Variants in PDE11A observed in about 807,000 individuals in gnomAD.
The protein encoded by PDE11A is phosphodiesterase 11A, also known as dual 3',5'-cyclic-AMP and -GMP phosphodiesterase 11A.
PDE11A carries 100 observed loss-of-function variants against 100.5 expected under a neutral mutation model. The observed-to-expected ratio is 1.00, with a 90% CI of 0.85 to 1.18. PDE11A has a LOEUF of 1.18. Ranked by LOEUF, PDE11A falls within the 50% of genes most tolerant of loss-of-function variation. The pLI, the probability that PDE11A is intolerant of heterozygous loss-of-function variation, is 0.00. For synonymous variants in PDE11A, 381 were observed against 420.8 expected, an observed-to-expected ratio of 0.91 and a Z score of 1.16; for missense variants, 1,141 against 1,152.6, an observed-to-expected ratio of 0.99 and a Z score of 0.15.
At chr2:177,781,180 G>C (rs1258329343) in intron 9 of PDE11A, among the ~76,000 whole-genome samples, 4 of 152,200 alleles carry the variant, frequency 2.6e-5, no homozygotes, top group Non-Finnish European at 5.9e-5. Flanking sequence ...TTGGAAAACA[G>C]AGAGGCCCAA....
At chr2:177,749,409 T>G (rs1329300044) in intron 10 of PDE11A, among the ~76,000 whole-genome samples, 3 of 152,194 alleles carry the variant, frequency 2.0e-5, no homozygotes, top group Non-Finnish European at 2.9e-5. Flanking sequence ...TTTTTATACT[T>G]TCTTTATATA....
chr2:177,890,563 G>A (rs1356730511), intron 4 of PDE11A, among the ~76,000 whole-genome samples: 1 of 152,170 alleles, frequency 6.6e-6, no homozygotes, highest in Non-Finnish European at 1.5e-5. Flanking sequence ...GTGATGACTT[G>A]TGGCATGGGG....
At chr2:177,752,704 C>T (rs1465284791) in intron 10 of PDE11A, among the ~76,000 whole-genome samples, 2 of 152,094 alleles carry the variant, frequency 1.3e-5, no homozygotes, top group Non-Finnish European at 2.9e-5. Context: ...TTATTGAGTG[C>T]CTACTATGTG....
Position 177,853,073 on chromosome 2 carries a change from T to C in PDE11A, c.1368-12690A>G, listed in dbSNP as rs1439698010. The stretch of plus-strand genomic sequence containing the variant: ...GACATTGCTGTAAGTGATTGGTATC[T>C]ACCATCTAGCATCATATAATGACAA... On this transcript the variant is annotated intron_variant, in intron 5 of 19. Transcript: ENST00000286063. Among the ~76,000 whole-genome samples the C allele has an allele frequency of 2.6e-5, 4 of 152,194 alleles. No homozygotes were observed. In the East Asian group the frequency reaches 7.7e-4, roughly 29 times the overall value.
intron 2 of PDE11A, among the ~76,000 whole-genome samples, chr2:177,937,995 T>C (rs372300219): frequency 6.6e-5 from 10 of 152,162 alleles, no homozygotes; most frequent in Admixed American, 6.5e-5. Context: ...GTATTACCAA[T>C]ATTTTTCTTT....
intron 19 of PDE11A, among the ~76,000 whole-genome samples, chr2:177,650,252 T>C (rs2080288547): frequency 6.6e-6 from 1 of 152,204 alleles, no homozygotes; most frequent in African/African-American, 2.4e-5. Context: ...CATATCCTTA[T>C]TTAGTTCCTC....
chr2:177,689,035 T>C (rs1264069318), intron 15 of PDE11A, among the ~76,000 whole-genome samples: 2 of 152,220 alleles, frequency 1.3e-5, no homozygotes. Flanking sequence ...AGGAAGGTTT[T>C]ACTGCTGAGG....
Position 177,866,152 on chromosome 2 carries a change from TGG to T in PDE11A, c.1367+9705_1367+9706del, listed in dbSNP as rs1370198196. ...TTATTGAGTAGCCTACCAAGTGCTG[TGG>T]CCATGGAGATGCCCTATTCACATCT... On this transcript the variant is annotated intron_variant, in intron 5 of 19. Transcript: ENST00000286063. Among the ~76,000 whole-genome samples the T allele has an allele frequency of 8.5e-5, 13 of 152,196 alleles. 1 individual carries two copies. The highest frequency in any genetic ancestry group is 1.8e-4 in the Non-Finnish European group (12 of 68,016).
intron 12 of PDE11A, among the ~76,000 whole-genome samples, chr2:177,713,267 T>A (rs1306508920): frequency 6.6e-6 from 1 of 152,142 alleles, no homozygotes; most frequent in African/African-American, 2.4e-5. Context: ...TCTCGGCCTC[T>A]CAAAATGCTG....
chr2:177,742,655 C>T lies in PDE11A; in HGVS notation c.1789-14483G>A, dbSNP rs2081890344. 2.0e-5 allele frequency among the ~76,000 whole-genome samples: 3 copies of T among 152,280 alleles called. No homozygotes were observed. In the South Asian group the frequency reaches 6.2e-4, roughly 32 times the overall value. ...CGGACAGAACAGAAACTGTGTTTGC[C>T]TCATTTTTGTACCAGCTAGAGAGTC... On this transcript the variant is annotated intron_variant, in intron 10 of 19. Transcript: ENST00000286063.
At chr2:177,655,042 A>C (rs1196569244) in intron 19 of PDE11A, among the ~76,000 whole-genome samples, 4 of 152,208 alleles carry the variant, frequency 2.6e-5, no homozygotes, top group Non-Finnish European at 5.9e-5. Context: ...ATCCTTTAAA[A>C]AAGAGTTACG....
intron 9 of PDE11A, among the ~76,000 whole-genome samples, chr2:177,802,202 T>C (rs531425878): frequency 6.6e-6 from 1 of 152,098 alleles, no homozygotes; most frequent in South Asian, 2.1e-4. Context: ...AAATCAATGA[T>C]AGCATTAAAT....
At chr2:177,739,511 G>A (rs1283973023) in intron 10 of PDE11A, among the ~76,000 whole-genome samples, 1 of 152,188 alleles carries the variant, frequency 6.6e-6, no homozygotes, top group Non-Finnish European at 1.5e-5. Context: ...TGTCACCAGT[G>A]ACACATGAGG....
chr2:177,955,808 GA>G (rs1335946083), intron 2 of PDE11A, among the ~76,000 whole-genome samples: 3 of 152,154 alleles, frequency 2.0e-5, no homozygotes, highest in Non-Finnish European at 4.4e-5. Context: ...AAGCAATGGG[GA>G]AAGGATTCCC....
At chr2:177,943,786 C>A (rs926636834) in intron 2 of PDE11A, among the ~76,000 whole-genome samples, 6 of 152,000 alleles carry the variant, frequency 3.9e-5, no homozygotes, top group Non-Finnish European at 7.4e-5. Flanking sequence ...ACGTCATATT[C>A]AAAAAACCAC....
intron 3 of PDE11A, among the ~76,000 whole-genome samples, chr2:177,904,581 AGTCTAGTCT>A (rs2084750233): frequency 7.4e-6 from 1 of 135,050 alleles, no homozygotes; most frequent in Non-Finnish European, 1.6e-5. Flanking sequence ...TTTGAGATGG[AGTCTAGTCT>A]GTCACCTAGG....
At chr2:178,023,103 G>C (rs187218646) in intron 1 of PDE11A, among the ~76,000 whole-genome samples, 77 of 152,230 alleles carry the variant, frequency 5.1e-4, no homozygotes, top group Non-Finnish European at 1.3e-4. Flanking sequence ...CCTTCATAGA[G>C]AACAGTAATT....
chr2:178,043,670 C>A (rs1230801541), intron 1 of PDE11A, among the ~76,000 whole-genome samples: 4 of 152,102 alleles, frequency 2.6e-5, no homozygotes, highest in Non-Finnish European at 5.9e-5. Context: ...TTACCAGGAG[C>A]CTACCATATA....
intron 19 of PDE11A, among the ~76,000 whole-genome samples, chr2:177,635,049 C>G (rs900588242): frequency 5.9e-5 from 9 of 152,238 alleles, no homozygotes; most frequent in Non-Finnish European, 1.0e-4. Context: ...TGTGGCATCC[C>G]TGCTGCGTGA....
Sources: allele counts gnomAD v4.1 joint callset (sites outside exome capture counted in the v4.1 genomes callset), GRCh38; gene constraint gnomAD v4.1.1; transcripts MANE v1.5; gene names NCBI Gene and HGNC (gene_info 2026-07-23, HGNC 2026-07-21).